IFT88: variants seen among roughly 807,000 people sequenced by gnomAD.
IFT88 encodes intraflagellar transport protein 88 homolog.
A neutral mutation model predicts 119.5 loss-of-function variants in IFT88; 74 were observed. That is an observed-to-expected ratio of 0.62 (90% CI 0.51 to 0.75). The LOEUF is 0.75. IFT88 is among the 30% of genes least tolerant of loss of function. IFT88 has a pLI of 0.00. For missense variants in IFT88, 961 were observed against 977.7 expected, an observed-to-expected ratio of 0.98 and a Z score of 0.23; for synonymous variants, 279 against 316.7, an observed-to-expected ratio of 0.88 and a Z score of 1.26.
chr13:20,607,179 T>G (rs1472229036), intron 13 of IFT88: 8 of 396,112 alleles, frequency 2.0e-5, no homozygotes, highest in Non-Finnish European at 4.1e-5. Context: ...CTGCTGCTGC[T>G]GCACGCCTGG....
intron 1 of IFT88, among the ~76,000 whole-genome samples, chr13:20,570,900 A>G (rs2036223397): frequency 6.6e-6 from 1 of 152,096 alleles, no homozygotes; most frequent in South Asian, 2.1e-4. Flanking sequence ...AAAATATATA[A>G]ATAATTTTTA....
rs564515927 is a variant in IFT88, at chr13:20,623,509, C to T, written c.1200-2241C>T. 2.0e-5 allele frequency among the ~76,000 whole-genome samples: 3 copies of T among 152,276 alleles called. No homozygotes were observed. The South Asian group carries it at 6.2e-4, about 32-fold the overall frequency. ...TTTTGTTTTGAGATGGAGTTTTGCT[C>T]TGTCGCCCAGGCTGGAGTGAAGTGT... On this transcript the variant is annotated intron_variant, in intron 14 of 25. Coordinates refer to ENST00000351808, the MANE Select transcript of IFT88 (RefSeq NM_006531.5).
At chr13:20,580,391 C>T (rs2038328210) in intron 2 of IFT88, among the ~76,000 whole-genome samples, 1 of 152,002 alleles carries the variant, frequency 6.6e-6, no homozygotes, top group South Asian at 2.1e-4. Flanking sequence ...GTGGCGGGCA[C>T]CTGTAATCTC....
chr13:20,689,884 A>G (rs1168757078), intron 24 of IFT88, among the ~76,000 whole-genome samples: 1 of 152,258 alleles, frequency 6.6e-6, no homozygotes, highest in East Asian at 1.9e-4. Context: ...TGTTTTAACA[A>G]AAAGAGAGGG....
intron 13 of IFT88, chr13:20,612,027 CT>C (rs527554303): frequency 2.6e-5 from 4 of 152,230 alleles, no homozygotes; most frequent in African/African-American, 9.6e-5. Context: ...TTTAAACCAT[CT>C]TTTTTCAGAT....
At chr13:20,671,086 G>A (rs1215646189) in intron 24 of IFT88, 47 bp downstream of exon 24, 3 of 1,443,090 alleles carry the variant, frequency 2.1e-6, no homozygotes, top group African/African-American at 2.8e-5. Flanking sequence ...CACATTTCTA[G>A]TATGTGGGCT....
intron 20 of IFT88, 95 bp downstream of exon 20, chr13:20,645,053 G>A (rs1246896944): frequency 1.8e-6 from 1 of 555,994 alleles, no homozygotes; most frequent in Non-Finnish European, 3.2e-6. Context: ...GTAAATTCAA[G>A]AACAGATGTT....
At chr13:20,659,386 C>T (rs1417787461) in intron 22 of IFT88, among the ~76,000 whole-genome samples, 3 of 151,774 alleles carry the variant, frequency 2.0e-5, no homozygotes, top group African/African-American at 2.4e-5. Context: ...TCCACCTGCT[C>T]GGGAGGCTGA....
intron 3 of IFT88, among the ~76,000 whole-genome samples, chr13:20,583,374 A>G (rs1217509267): frequency 6.6e-6 from 1 of 152,158 alleles, no homozygotes; most frequent in South Asian, 2.1e-4. Context: ...AGGTTCATCC[A>G]TGTTGTAGCA....
At chr13:20,594,660 C>T (rs1281985321) in intron 7 of IFT88, among the ~76,000 whole-genome samples, 30 of 152,066 alleles carry the variant, frequency 2.0e-4, no homozygotes, top group Non-Finnish European at 2.9e-5. Flanking sequence ...AATCTGTAAG[C>T]AACATTTAAG....
At chr13:20,663,416 A>G (rs570733020) in intron 22 of IFT88, 82 bp from the exon 23 acceptor site, 93 of 1,569,592 alleles carry the variant, frequency 5.9e-5, no homozygotes, top group Non-Finnish European at 7.2e-5. Context: ...GTATCCCAAA[A>G]GACTGAGTTC....
intron 20 of IFT88, among the ~76,000 whole-genome samples, chr13:20,650,651 GGGAAGAGATGAAGTAAAAAT>G (rs1194187866): frequency 6.6e-6 from 1 of 152,106 alleles, no homozygotes; most frequent in African/African-American, 2.4e-5. Flanking sequence ...GCATCTACAT[GGGAAGAGATGAAGTAAAAAT>G]TAACCCTGTT....
intron 24 of IFT88, among the ~76,000 whole-genome samples, chr13:20,683,186 C>T (rs972691790): frequency 6.6e-6 from 1 of 152,186 alleles, no homozygotes; most frequent in Non-Finnish European, 1.5e-5. Flanking sequence ...TTTCTCTTTA[C>T]TCAGCGGCCA....
At position 20,653,856 on chromosome 13, in the gene IFT88, C is replaced by T; in HGVS notation, c.1950-20C>T. ...CAGATTTTTTTATCTCTAATTTCAT[C>T]TCATTTATTTATTTTATAGGCCTAC... On this transcript the variant is annotated intron_variant, in intron 20 of 25. Coordinates refer to ENST00000351808, the MANE Select transcript of IFT88 (RefSeq NM_006531.5). The T allele has an allele frequency of 6.9e-7, 1 of 1,443,100 alleles. No individual in the cohort carries two copies. The highest frequency in any genetic ancestry group is 9.4e-7 in the Non-Finnish European group (1 of 1,064,322). 89.4% of individuals were successfully genotyped at this position (1,443,100 alleles called of 1,614,324 possible).
intron 16 of IFT88, among the ~76,000 whole-genome samples, chr13:20,633,521 G>A (rs1340808978): frequency 1.3e-5 from 2 of 152,202 alleles, no homozygotes; most frequent in African/African-American, 2.4e-5. Context: ...ATGGCGTGAA[G>A]CATGGTGTCT....
intron 22 of IFT88, 93 bp from the exon 23 acceptor site, chr13:20,663,405 T>C: frequency 6.4e-7 from 1 of 1,558,228 alleles, no homozygotes; most frequent in Non-Finnish European, 8.7e-7. Context: ...CATTCCTACC[T>C]GTATCCCAAA....
chr13:20,583,514 A>G (rs771235726), intron 3 of IFT88, among the ~76,000 whole-genome samples: 6 of 152,296 alleles, frequency 3.9e-5, no homozygotes, highest in South Asian at 2.1e-4. Context: ...GGAGTTCTCT[A>G]TATATTCTGG....
intron 14 of IFT88, among the ~76,000 whole-genome samples, chr13:20,624,729 C>T (rs1181033952): frequency 6.6e-6 from 1 of 152,074 alleles, no homozygotes; most frequent in African/African-American, 2.4e-5. Flanking sequence ...GAATGTCTTC[C>T]AGGAGGAGGC....
chr13:20,572,678 T>G (rs763922908), intron 1 of IFT88, among the ~76,000 whole-genome samples: 7 of 152,100 alleles, frequency 4.6e-5, no homozygotes, highest in Non-Finnish European at 8.8e-5. Context: ...ATTTGCTGAG[T>G]TTTCACAAAT....
Sources: allele counts gnomAD v4.1 joint callset (sites outside exome capture counted in the v4.1 genomes callset), GRCh38; gene constraint gnomAD v4.1.1; transcripts MANE v1.5; gene names NCBI Gene and HGNC (gene_info 2026-07-23, HGNC 2026-07-21).